Variants in OGFOD1 observed in about 807,000 individuals in gnomAD.
OGFOD1 encodes prolyl 3-hydroxylase OGFOD1.
In OGFOD1, 54 loss-of-function variants were observed where a neutral mutation model predicts 67.7. That is an observed-to-expected ratio of 0.80 (90% CI 0.64 to 1.00). The LOEUF is 1.00. Ranked by LOEUF, OGFOD1 falls within the 50% of genes least tolerant of loss-of-function variation. The probability of loss-of-function intolerance (pLI) is 0.00; values close to 1 mark genes in which losing one functional copy is unlikely to be tolerated. For missense variants in OGFOD1, 606 were observed against 646.7 expected (o/e 0.94, Z 0.68); for synonymous variants, 221 against 227.0 (o/e 0.97, Z 0.24).
chr16:56,457,111 A>G (rs779753034), intron 2 of OGFOD1, among the ~76,000 whole-genome samples: 2 of 152,250 alleles, frequency 1.3e-5, no homozygotes, highest in Non-Finnish European at 2.9e-5. Context: ...ATATGTAAAA[A>G]TATGTTCACA....
At chr16:56,471,136 G>A (rs1252484911) in intron 10 of OGFOD1, among the ~76,000 whole-genome samples, 1 of 151,580 alleles carries the variant, frequency 6.6e-6, no homozygotes, top group Non-Finnish European at 1.5e-5. Context: ...CTGATCACCT[G>A]AGGCCAGGAG....
Position 56,475,560 on chromosome 16 carries a change from G to A in OGFOD1, c.1462G>A (p.Glu488Lys). Residue 488 changes from glutamate (E) to lysine (K), a missense_variant, in exon 12 of 13, where the codon GAA (glutamate) becomes AAA (lysine). Glu to Lys is a moderately conservative substitution (Grantham distance 56). Coordinates refer to ENST00000566157, the MANE Select transcript of OGFOD1 (RefSeq NM_018233.4). ...TTCTTACATTGCCAAAGGTGAAGAT[G>A]AAGAGGTAAGTTTCTTCTGATAGCA... is the stretch of plus-strand genomic sequence containing the variant. Reference protein sequence around the residue: ...FTSYIAKGEDEELLTVNPESN... With the variant: ...FTSYIAKGEDKELLTVNPESN... 4.3e-6 allele frequency: 7 copies of A among 1,613,728 alleles called. No homozygotes were observed. The highest frequency in any genetic ancestry group is 1.1e-5 in the South Asian group (1 of 91,040).
At chr16:56,455,423 G>T (rs1402249380) in intron 2 of OGFOD1, among the ~76,000 whole-genome samples, 2 of 151,614 alleles carry the variant, frequency 1.3e-5, no homozygotes, top group Non-Finnish European at 2.9e-5. Flanking sequence ...AGAGCCTTGG[G>T]TGATTGAAAA....
chr16:56,451,570 A>G lies in OGFOD1; in HGVS notation c.-43A>G. The G allele has an allele frequency of 6.2e-7, 1 of 1,607,152 alleles. No homozygotes were observed. The highest frequency in any genetic ancestry group is 8.5e-7 in the Non-Finnish European group (1 of 1,176,832). On this transcript the variant is annotated 5_prime_UTR_variant, in exon 1 of 13. Coordinates refer to ENST00000566157, the MANE Select transcript of OGFOD1 (RefSeq NM_018233.4). The stretch of plus-strand genomic sequence containing the variant: ...GGAGTTGCAGTACCCTCAGGAAGGT[A>G]GCGTCTTGATCTGCGTGGCGTGGTT...
At chr16:56,453,911 G>A (rs1308641323) in intron 2 of OGFOD1, among the ~76,000 whole-genome samples, 1 of 152,102 alleles carries the variant, frequency 6.6e-6, no homozygotes. Context: ...TAATAATAAG[G>A]GTGAATGTGA....
In OGFOD1 at chr16:56,474,813, T is replaced by C; in HGVS notation, c.1286-15T>C. On this transcript the variant is annotated splice_polypyrimidine_tract_variant and intron_variant, in intron 10 of 12. Coordinates refer to ENST00000566157, the MANE Select transcript of OGFOD1 (RefSeq NM_018233.4). ...GTTATTTTTTAAAGTTTCTCATCTTTTTTTTTTTCCTTAGAATCAAGTGTT... is the reference window on the plus strand; with the variant it reads ...GTTATTTTTTAAAGTTTCTCATCTTCTTTTTTTTCCTTAGAATCAAGTGTT... The C allele has an allele frequency of 1.3e-6, 2 of 1,585,974 alleles. No homozygotes were observed. The highest frequency in any genetic ancestry group is 1.7e-6 in the Non-Finnish European group (2 of 1,171,056).
At chr16:56,472,268 C>A (rs2144042294) in intron 10 of OGFOD1, among the ~76,000 whole-genome samples, 1 of 152,266 alleles carries the variant, frequency 6.6e-6, no homozygotes, top group Middle Eastern at 3.4e-3. Context: ...TCACACCTGG[C>A]CAAAACTTGT....
rs1399117827 is a variant in OGFOD1, at chr16:56,466,941, G to A, written c.631G>A (p.Glu211Lys). 5 of 1,613,120 alleles carry A rather than the reference G, an allele frequency of 3.1e-6. No homozygotes were observed. In the African/African-American group the frequency reaches 6.7e-5, roughly 22 times the overall value. The stretch of plus-strand genomic sequence containing the variant: ...TTCGTGGAACAAACTGGTTTTCTTT[G>A]AAGTATCTCCTGTGTCCTTTCACCA... Reference protein sequence around the residue: ...IPSWNKLVFFEVSPVSFHQVS... With the variant: ...IPSWNKLVFFKVSPVSFHQVS... Residue 211 changes from glutamate to lysine, a missense_variant, in exon 6 of 13, where the codon GAA becomes AAA. Transcript: ENST00000566157.
chr16:56,462,851 T>G (rs189650140), intron 4 of OGFOD1, among the ~76,000 whole-genome samples: 1 of 152,344 alleles, frequency 6.6e-6, no homozygotes, highest in East Asian at 1.9e-4. Flanking sequence ...CTACTGACCA[T>G]ATTTTCAGCA....
At chr16:56,463,016 G>A (rs2143998045) in intron 4 of OGFOD1, among the ~76,000 whole-genome samples, 1 of 152,260 alleles carries the variant, frequency 6.6e-6, no homozygotes, top group African/African-American at 2.4e-5. Flanking sequence ...ATAAGTGAAT[G>A]CATTCTTAAA....
intron 4 of OGFOD1, among the ~76,000 whole-genome samples, chr16:56,464,669 G>T (rs1277402317): frequency 1.3e-5 from 2 of 152,102 alleles, no homozygotes; most frequent in Admixed American, 1.3e-4. Flanking sequence ...TTATCAAGGA[G>T]AACCCCGTCA....
chr16:56,472,911 T>C (rs940060640), intron 10 of OGFOD1, among the ~76,000 whole-genome samples: 2 of 149,574 alleles, frequency 1.3e-5, no homozygotes, highest in South Asian at 2.2e-4. Context: ...ACCAAAGCAG[T>C]TTTGCTTTTT....
intron 4 of OGFOD1, among the ~76,000 whole-genome samples, chr16:56,463,089 C>T (rs1386714778): frequency 2.0e-5 from 3 of 152,186 alleles, no homozygotes; most frequent in Admixed American, 6.5e-5. Context: ...TCTTCACCTT[C>T]TCCCTGCTCC....
intron 12 of OGFOD1, 95 bp from the exon 13 acceptor site, chr16:56,475,949 T>C (rs1457930888): frequency 1.7e-6 from 2 of 1,145,364 alleles, no homozygotes; most frequent in Middle Eastern, 2.5e-4. Flanking sequence ...CCAGATTAAG[T>C]GCTTGATATG....
In OGFOD1 at chr16:56,467,222, G is replaced by A; in HGVS notation, c.715G>A (p.Gly239Ser). The change falls in exon 7 of 13, where the codon GGT (glycine) becomes AGT (serine). Residue 239 changes from glycine to serine, a missense_variant. Physicochemically the swap from Gly to Ser is moderately conservative, Grantham distance 56. Transcript: ENST00000566157. ...TTTGTCTATAAGTGGCTGGTTTCAT[G>A]GTCCATCATTGACTCGGCCTCCCAA... The part of the protein sequence containing the change: ...SRLSISGWFH[G>S]PSLTRPPNYF... The A allele has an allele frequency of 3.7e-6, 6 of 1,614,058 alleles. No homozygotes were observed. The highest frequency in any genetic ancestry group is 5.1e-6 in the Non-Finnish European group (6 of 1,180,004).
chr16:56,469,982 C>G, intron 8 of OGFOD1, 21 bp from the exon 9 acceptor site: 1 of 1,593,200 alleles, frequency 6.3e-7, no homozygotes, highest in Non-Finnish European at 8.6e-7. Context: ...CTGAATGCTT[C>G]TTTATTTGCT....
chr16:56,463,484 G>A (rs376710171), intron 4 of OGFOD1, among the ~76,000 whole-genome samples: 7 of 144,720 alleles, frequency 4.8e-5, no homozygotes, highest in East Asian at 4.2e-4. Context: ...ATGCAGTGGC[G>A]TGATCTCGGC....
At chr16:56,465,978 CTTAT>C (rs1341478141) in intron 4 of OGFOD1, 170 bp from the exon 5 acceptor site, 26 of 542,834 alleles carry the variant, frequency 4.8e-5, no homozygotes, top group African/African-American at 9.5e-5. Flanking sequence ...TCTATATTGA[CTTAT>C]TTGTTTACTT....
In OGFOD1 at chr16:56,470,532, G is replaced by A; in HGVS notation, c.1026G>A (p.Lys342=). Residue 342 remains lysine, a synonymous_variant, in exon 10 of 13, where the codon AAG becomes AAA. Transcript: ENST00000566157. ...AEESKLPEIL[K]ECMKLFRSEA... is the part of the protein sequence containing the mutation. ...AGAGTAAGCTTCCTGAGATATTGAAGGAGTGCATGAAGTTATTTCGCTCTG... is the reference window on the plus strand; with the variant it reads ...AGAGTAAGCTTCCTGAGATATTGAAAGAGTGCATGAAGTTATTTCGCTCTG... 6.2e-7 allele frequency: 1 copy of A among 1,613,908 alleles called. No homozygotes were observed. The highest frequency in any genetic ancestry group is 8.5e-7 in the Non-Finnish European group (1 of 1,179,964).
Sources: gnomAD v4.1 joint callset for allele counts (sites outside exome capture counted in the v4.1 genomes callset) on GRCh38, gnomAD v4.1.1 for gene constraint, MANE v1.5 for transcripts, NCBI Gene and HGNC (gene_info 2026-07-23, HGNC 2026-07-21) for gene names.